DSE: variants seen among roughly 807,000 people sequenced by gnomAD.
DSE encodes the protein dermatan sulfate epimerase.
Under a neutral mutation model 84.4 loss-of-function variants are expected in DSE, and 36 were observed. That is an observed-to-expected ratio of 0.43 (90% CI 0.33 to 0.56). The LOEUF (loss-of-function observed/expected upper bound fraction) is 0.56, where lower values mean the gene tolerates loss of function less well. Among genes scored for constraint, DSE ranks in the 20% least tolerant of loss-of-function variants. The pLI is 0.06. For missense variants in DSE, 862 were observed against 1,169.6 expected (o/e 0.74, Z 3.84); for synonymous variants, 410 against 430.1 (o/e 0.95, Z 0.58).
At chr6:116,408,422 A>G (rs1382709587) in intron 2 of DSE, among the ~76,000 whole-genome samples, 1 of 152,192 alleles carries the variant, frequency 6.6e-6, no homozygotes, top group African/African-American at 2.4e-5. Flanking sequence ...ACCTGCCACA[A>G]AGACACTAAT....
chr6:116,333,778 C>T (rs1027908994), intron 2 of DSE, among the ~76,000 whole-genome samples: 1 of 152,194 alleles, frequency 6.6e-6, no homozygotes, highest in African/African-American at 2.4e-5. Context: ...TTTCCTTATA[C>T]ATTTATAAAT....
chr6:116,385,576 T>A (rs1032369421), intron 1 of DSE, among the ~76,000 whole-genome samples: 2 of 152,152 alleles, frequency 1.3e-5, no homozygotes, highest in Non-Finnish European at 2.9e-5. Context: ...TAGTTGCCAG[T>A]AACTGAGTTG....
At chr6:116,279,257 C>CCTCCATCTGCTCCTCCAT (rs1246662073) in intron 2 of DSE, 2 of 1,607,602 alleles carry the variant, frequency 1.2e-6, no homozygotes, top group Non-Finnish European at 1.7e-6. Flanking sequence ...TGCTCCTCTA[C>CCTCCATCTGCTCCTCCAT]CTCCATCTGC....
At chr6:116,316,730 TA>T (rs1775998648) in intron 2 of DSE, among the ~76,000 whole-genome samples, 1 of 152,052 alleles carries the variant, frequency 6.6e-6, no homozygotes, top group Admixed American at 6.6e-5. Flanking sequence ...ATCCTGAAAC[TA>T]ATTACAGAAA....
Position 116,437,301 on chromosome 6 carries a change from A to G in DSE, c.2833A>G (p.Ile945Val). ...TGCAGTTCTTCTCATAGATAGCTGT[A>G]TTTTATTATGGTTGTACTCTTCTTG... ...LYAVLLIDSC[I>V]LLWLYSSCSQ... The change falls in exon 6 of 6, where the codon ATT becomes GTT. Residue 945 changes from isoleucine (I) to valine (V), a missense_variant. By Grantham distance (29) the Ile-to-Val change is conservative. Around this residue, in one of 4 missense-constraint regions of DSE, gnomAD observed 315 missense variants for 348.1 expected, o/e 0.90. Coordinates refer to ENST00000644252, the MANE Select transcript of DSE (RefSeq NM_013352.4). 3 of 1,613,698 alleles carry G rather than the reference A, an allele frequency of 1.9e-6. No individual in the cohort carries two copies. Among genetic ancestry groups the G allele is most frequent in the South Asian group, 1.1e-5 (1 of 91,040 alleles).
In DSE at chr6:116,390,348, A is replaced by G. The variant is rs113413199; in HGVS notation, c.-53-8850A>G. The stretch of plus-strand genomic sequence containing the variant: ...CCTCCCAACTGCTGGGATAACAGGC[A>G]TGAGCCACTGTGCCTGGCCCATAAT... On this transcript the variant is annotated intron_variant, in intron 1 of 5. Coordinates refer to ENST00000644252, the MANE Select transcript of DSE (RefSeq NM_013352.4). Among the ~76,000 whole-genome samples, 802 of 152,280 alleles carry G rather than the reference A, an allele frequency of 5.3e-3. 12 individuals are homozygous for G. The highest frequency in any genetic ancestry group is 0.018 in the African/African-American group (746 of 41,554).
chr6:116,437,242 G>A lies in DSE; in HGVS notation c.2774G>A (p.Arg925Lys). The A allele has an allele frequency of 6.2e-7, 1 of 1,614,022 alleles. No homozygotes were observed. Residue 925 changes from arginine (R) to lysine (K), a missense_variant, in exon 6 of 6, where the codon AGG becomes AAG. Physicochemically the swap from Arg to Lys is conservative, Grantham distance 26. This residue lies in a region of DSE where 315 missense variants were observed against 348.1 expected (regional missense o/e 0.90). Transcript: ENST00000644252. The part of the protein sequence containing the change: ...MLAMQLTYFQ[R>K]AQSLHGQRCL... The stretch of plus-strand genomic sequence containing the variant: ...GCAATGCAACTGACTTATTTCCAGA[G>A]GGCCCAGAGCCTACATGGCCAAAGA...
intron 2 of DSE, among the ~76,000 whole-genome samples, chr6:116,292,884 C>A (rs1203273199): frequency 6.6e-6 from 1 of 152,114 alleles, no homozygotes; most frequent in East Asian, 1.9e-4. Context: ...TAAATATTAG[C>A]TGACACCCTT....
intron 2 of DSE, among the ~76,000 whole-genome samples, chr6:116,275,781 A>G (rs999261312): frequency 5.4e-5 from 8 of 149,276 alleles, no homozygotes; most frequent in African/African-American, 2.0e-4. Context: ...AGCCTGGGCA[A>G]GAGTGGGACT....
At position 116,289,401 on chromosome 6, in the gene DSE, A is replaced by G. The variant is rs530622311; in HGVS notation, c.-54+30434A>G. On this transcript the variant is annotated intron_variant, in intron 2 of 3. Coordinates refer to the DSE transcript ENST00000430252. ...AAACATGACTGTTATATGTGAAAGC[A>G]TCTCAATATCCTAAGATTAAGCAAT... Among the ~76,000 whole-genome samples, 34 of 152,156 alleles carry G rather than the reference A, an allele frequency of 2.2e-4. 1 individual carries two copies. The East Asian group carries it at 6.4e-3, about 28-fold the overall frequency.
intron 2 of DSE, chr6:116,277,190 A>C (rs1773182908): frequency 6.5e-6 from 1 of 152,682 alleles, no homozygotes; most frequent in Non-Finnish European, 1.5e-5. Flanking sequence ...AATCTTCCAC[A>C]TAAATTAGGT....
intron 2 of DSE, among the ~76,000 whole-genome samples, chr6:116,313,184 C>G (rs1260290145): frequency 1.3e-5 from 2 of 152,142 alleles, no homozygotes; most frequent in Non-Finnish European, 2.9e-5. Flanking sequence ...CAAGGAATGC[C>G]TGGGTCTATC....
At chr6:116,372,322 G>A (rs1390427102) in intron 1 of DSE, among the ~76,000 whole-genome samples, 1 of 152,134 alleles carries the variant, frequency 6.6e-6, no homozygotes, top group Non-Finnish European at 1.5e-5. Flanking sequence ...CAAAAAATTA[G>A]CCGGGCGTGG....
intron 2 of DSE, among the ~76,000 whole-genome samples, chr6:116,291,219 T>G (rs540276971): frequency 6.6e-6 from 1 of 152,204 alleles, no homozygotes; most frequent in East Asian, 1.9e-4. Flanking sequence ...TACCAGATGA[T>G]ACCAATAATT....
At chr6:116,271,871 A>T (rs1028556733) in intron 2 of DSE, among the ~76,000 whole-genome samples, 1 of 150,884 alleles carries the variant, frequency 6.6e-6, no homozygotes, top group African/African-American at 2.4e-5. Context: ...ATAAATCTTA[A>T]ATATATACTT....
intron 1 of DSE, among the ~76,000 whole-genome samples, chr6:116,391,764 T>TA (rs77486984): frequency 0.05 from 5,952 of 119,228 alleles, 365 homozygotes; most frequent in African/African-American, 0.14. Context: ...GACTCCGTCT[T>TA]AAAAAAAAAA....
At chr6:116,398,907 T>C (rs895726382) in intron 1 of DSE, among the ~76,000 whole-genome samples, 4 of 152,250 alleles carry the variant, frequency 2.6e-5, no homozygotes, top group African/African-American at 7.2e-5. Context: ...TGATACTATG[T>C]GAGAAGAATA....
At chr6:116,305,785 G>C (rs1361744760) in intron 2 of DSE, among the ~76,000 whole-genome samples, 1 of 152,052 alleles carries the variant, frequency 6.6e-6, no homozygotes, top group East Asian at 1.9e-4. Flanking sequence ...TTACAGTGTA[G>C]CATGTGCCAC....
At chr6:116,340,297 T>A (rs911529456) in intron 2 of DSE, among the ~76,000 whole-genome samples, 1 of 152,204 alleles carries the variant, frequency 6.6e-6, no homozygotes, top group African/African-American at 2.4e-5. Context: ...CACAGGTCTC[T>A]TTTCTTCAGC....
Sources: allele counts gnomAD v4.1 joint callset (sites outside exome capture counted in the v4.1 genomes callset), GRCh38; gene constraint gnomAD v4.1.1; regional missense constraint gnomAD v4.1.1; transcripts MANE v1.5; gene names NCBI Gene and HGNC (gene_info 2026-07-23, HGNC 2026-07-21).